Variants in DAPP1 observed in about 807,000 individuals in gnomAD.
The protein encoded by DAPP1 is dual adapter for phosphotyrosine and 3-phosphotyrosine and 3-phosphoinositide.
In DAPP1, 20 loss-of-function variants were observed where a neutral mutation model predicts 41.5. The observed-to-expected ratio is 0.48, with a 90% confidence interval of 0.34 to 0.70. The LOEUF (loss-of-function observed/expected upper bound fraction) is 0.70, where lower values mean the gene tolerates loss of function less well. DAPP1 is among the 30% of genes least tolerant of loss of function. The pLI is 0.01. For synonymous variants in DAPP1, 113 were observed against 116.2 expected, an observed-to-expected ratio of 0.97 and a Z score of 0.18; for missense variants, 233 against 333.4, an observed-to-expected ratio of 0.70 and a Z score of 2.35.
At chr4:99,855,979 C>T (rs1724031659) in intron 4 of DAPP1, among the ~76,000 whole-genome samples, 1 of 152,220 alleles carries the variant, frequency 6.6e-6, no homozygotes, top group South Asian at 2.1e-4. Flanking sequence ...CTGTGTATAA[C>T]TGTTTAACAT....
At chr4:99,846,829 G>A (rs1360412236) in intron 3 of DAPP1, among the ~76,000 whole-genome samples, 1 of 152,176 alleles carries the variant, frequency 6.6e-6, no homozygotes, top group African/African-American at 2.4e-5. Flanking sequence ...CACCCTATGA[G>A]ACTGGAAATT....
chr4:99,861,050 G>T (rs1317771369), intron 4 of DAPP1, among the ~76,000 whole-genome samples: 1 of 152,128 alleles, frequency 6.6e-6, no homozygotes, highest in Non-Finnish European at 1.5e-5. Flanking sequence ...TTGGAACATG[G>T]ATCTCAAGAG....
rs1724536538 is a variant in DAPP1 at position 99,868,380 on chromosome 4, C to T, written c.*195C>T. 1.7e-6 allele frequency: 1 copy of T among 594,058 alleles called. No individual in the cohort carries two copies. Among genetic ancestry groups the T allele is most frequent in the Non-Finnish European group, 3.0e-6 (1 of 333,624 alleles). 36.8% of individuals were successfully genotyped at this position (594,058 alleles called of 1,614,324 possible). On this transcript the variant is annotated 3_prime_UTR_variant, in exon 9 of 9. Coordinates refer to ENST00000512369, the MANE Select transcript of DAPP1 (RefSeq NM_014395.3). Reference sequence around the variant, plus strand: ...TGCCCTTCCATGATGTTGCCATCTCCTTGAGAACACTGAAGCAATCACCAT... The same window carrying T: ...TGCCCTTCCATGATGTTGCCATCTCTTTGAGAACACTGAAGCAATCACCAT...
At position 99,865,407 on chromosome 4, in the gene DAPP1, GA is replaced by G. The variant is rs549552009; in HGVS notation, c.687-624del. ...TAGGAAAAGTATTTTGTGCCAGTAG[GA>G]AAGTTCTTATTCCCTGCAGCAGAGA... On this transcript the variant is annotated intron_variant, in intron 7 of 8. Coordinates refer to ENST00000512369, the MANE Select transcript of DAPP1 (RefSeq NM_014395.3). 3.3e-5 allele frequency: 5 copies of G among 152,276 alleles called. No homozygotes were observed. In the South Asian group the frequency reaches 1.0e-3, roughly 32 times the overall value. The allele number at this position is 152,276 out of a possible 1,614,324, so 9.4% of individuals were successfully genotyped here.
chr4:99,835,514 C>A (rs1014892267), intron 1 of DAPP1, 109 bp from the exon 2 acceptor site: 5 of 1,483,004 alleles, frequency 3.4e-6, no homozygotes, highest in Non-Finnish European at 4.5e-6. Flanking sequence ...GGTCTCTGGG[C>A]TACTTATCTT....
chr4:99,847,417 A>G (rs1177675173), intron 3 of DAPP1, among the ~76,000 whole-genome samples: 7 of 151,552 alleles, frequency 4.6e-5, no homozygotes, highest in Non-Finnish European at 1.0e-4. Flanking sequence ...TCTTACACAT[A>G]ACTGTAAGTT....
intron 4 of DAPP1, among the ~76,000 whole-genome samples, chr4:99,853,693 C>A (rs1168422176): frequency 1.3e-5 from 2 of 152,120 alleles, no homozygotes; most frequent in Non-Finnish European, 2.9e-5. Context: ...GTGGCATGCA[C>A]CTGTAGTCCC....
rs1176481047 is a variant in DAPP1 at position 99,844,986 on chromosome 4, A to C, written c.358+4564A>C. ...TTCCTTGGATGTTTGCCAAAAATAC[A>C]AAATGTTCTCAGTTTATAGATGAGT... is the stretch of plus-strand genomic sequence containing the variant. On this transcript the variant is annotated intron_variant, in intron 3 of 8. Transcript: ENST00000512369. Among the ~76,000 whole-genome samples the C allele has an allele frequency of 2.0e-5, 3 of 152,378 alleles. No homozygotes were observed. In the South Asian group the frequency reaches 6.2e-4, roughly 32 times the overall value.
intron 2 of DAPP1, among the ~76,000 whole-genome samples, chr4:99,837,810 A>G (rs1578358484): frequency 1.3e-5 from 2 of 152,268 alleles, no homozygotes; most frequent in African/African-American, 4.8e-5. Context: ...ACCATCATTC[A>G]GAATCAGTGG....
rs1205794337 is a variant in DAPP1 at position 99,868,476 on chromosome 4, G to C, written c.*291G>C. 1.2e-5 allele frequency: 4 copies of C among 338,566 alleles called. No homozygotes were observed. The highest frequency in any genetic ancestry group is 3.7e-5 in the South Asian group (1 of 26,682). The allele number at this position is 338,566 out of a possible 1,614,324, so 21.0% of individuals were successfully genotyped here. On this transcript the variant is annotated 3_prime_UTR_variant, in exon 9 of 9. Coordinates refer to ENST00000512369, the MANE Select transcript of DAPP1 (RefSeq NM_014395.3). ...TTAGAACACACAATGGAAGAGGAAG[G>C]GTTTTTGTTTTCACTCATTGTGGTC...
rs1724524935 is a variant in DAPP1, at chr4:99,868,113, A to G, written c.775-4A>G. The G allele has an allele frequency of 2.0e-5, 32 of 1,613,312 alleles. No homozygotes were observed. Among genetic ancestry groups the G allele is most frequent in the Non-Finnish European group, 2.7e-5 (32 of 1,179,268 alleles). The stretch of plus-strand genomic sequence containing the variant: ...TGGATACACGTGTGTGTACTTTATT[A>G]CAGTCACAAATAAGAAAACAGCTCA... On this transcript the variant is annotated splice_region_variant and splice_polypyrimidine_tract_variant and intron_variant, in intron 8 of 8. Transcript: ENST00000512369.
rs1724236930 is a variant in DAPP1 at position 99,861,560 on chromosome 4, A to C, written c.490-18A>C. On this transcript the variant is annotated intron_variant, in intron 4 of 8. Coordinates refer to ENST00000512369, the MANE Select transcript of DAPP1 (RefSeq NM_014395.3). ...GTTGTGACAGTTCTGGTCTTCACTC[A>C]GTGCTTTTCTTTTTCAGCTGGGCAC... is the stretch of plus-strand genomic sequence containing the variant. The C allele has an allele frequency of 1.3e-6, 2 of 1,564,516 alleles. No homozygotes were observed. Among genetic ancestry groups the C allele is most frequent in the Non-Finnish European group, 1.7e-6 (2 of 1,153,640 alleles).
At chr4:99,836,258 C>T (rs1723294823) in intron 2 of DAPP1, among the ~76,000 whole-genome samples, 1 of 152,128 alleles carries the variant, frequency 6.6e-6, no homozygotes, top group Non-Finnish European at 1.5e-5. Flanking sequence ...GAAAGTTAAT[C>T]CAGTCCCCAC....
intron 4 of DAPP1, among the ~76,000 whole-genome samples, chr4:99,856,324 C>G (rs925625127): frequency 1.3e-5 from 2 of 152,108 alleles, no homozygotes; most frequent in Admixed American, 1.3e-4. Context: ...GAGGAGGAAC[C>G]ATTAGTAAGA....
In DAPP1 at chr4:99,861,766, A is replaced by G. The variant is rs567532543; in HGVS notation, c.537+141A>G. The G allele has an allele frequency of 5.0e-6, 5 of 1,005,388 alleles. No individual in the cohort carries two copies. The African/African-American group carries it at 8.2e-5, about 16-fold the overall frequency. 62.3% of individuals were successfully genotyped at this position (1,005,388 alleles called of 1,614,324 possible). A position where few individuals can be genotyped will look rare whatever the true frequency, so the allele number is the denominator to read the frequency against. ...CCATTTGTAATATTCACCTGACTCA[A>G]GAGTTCATTTTTATGGCTCATTAGT... On this transcript the variant is annotated intron_variant, in intron 5 of 8. Transcript: ENST00000512369.
chr4:99,848,412 G>A (rs894931073), intron 3 of DAPP1, among the ~76,000 whole-genome samples: 7 of 151,270 alleles, frequency 4.6e-5, no homozygotes, highest in African/African-American at 1.7e-4. Flanking sequence ...ATTTTTTTTA[G>A]TAAAGACGGG....
chr4:99,848,818 T>A (rs1723759138), intron 3 of DAPP1, among the ~76,000 whole-genome samples: 1 of 152,110 alleles, frequency 6.6e-6, no homozygotes, highest in Non-Finnish European at 1.5e-5. Context: ...ATTAAGTGGA[T>A]CCCCAAGAAG....
chr4:99,872,030 G>A (rs1417267716), downstream of DAPP1, among the ~76,000 whole-genome samples: 1 of 152,098 alleles, frequency 6.6e-6, no homozygotes, highest in African/African-American at 2.4e-5. Flanking sequence ...TCATCCCAGA[G>A]AGCAAGAACA....
chr4:99,836,452 C>T (rs1050081198), intron 2 of DAPP1, among the ~76,000 whole-genome samples: 10 of 152,154 alleles, frequency 6.6e-5, no homozygotes, highest in Admixed American at 2.0e-4. Context: ...AGCAAGTATT[C>T]TTGGGTTTTT....
Sources: allele counts gnomAD v4.1 joint callset (sites outside exome capture counted in the v4.1 genomes callset), GRCh38; gene constraint gnomAD v4.1.1; transcripts MANE v1.5; gene names NCBI Gene and HGNC (gene_info 2026-07-23, HGNC 2026-07-21).